RABEP1: variants seen among roughly 807,000 people sequenced by gnomAD.
RABEP1 encodes the protein rab GTPase-binding effector protein 1.
In RABEP1, 51 loss-of-function variants were observed where a neutral mutation model predicts 123.4. The ratio of observed to expected loss-of-function variants is 0.41; its 90% confidence interval spans 0.33 to 0.52. RABEP1 has a LOEUF of 0.52. Ranked by LOEUF, RABEP1 falls within the 20% of genes least tolerant of loss-of-function variation. The pLI, the probability that RABEP1 is intolerant of heterozygous loss-of-function variation, is 0.16. For missense variants in RABEP1, 888 were observed against 996.3 expected, an observed-to-expected ratio of 0.89 and a Z score of 1.46; for synonymous variants, 347 against 355.2, an observed-to-expected ratio of 0.98 and a Z score of 0.26.
chr17:5,300,929 C>T (rs765850006), intron 1 of RABEP1, among the ~76,000 whole-genome samples: 1 of 152,146 alleles, frequency 6.6e-6, no homozygotes, highest in East Asian at 1.9e-4. Flanking sequence ...AGCATGTTAC[C>T]GGGCCCCATC....
chr17:5,363,113 T>C, intron 10 of RABEP1, 97 bp downstream of exon 10: 1 of 828,872 alleles, frequency 1.2e-6, no homozygotes, highest in Non-Finnish European at 2.0e-6. Context: ...CCATTTACAT[T>C]ATGAAGCATA....
chr17:5,342,074 G>C (rs1907663380), intron 5 of RABEP1, among the ~76,000 whole-genome samples: 1 of 152,174 alleles, frequency 6.6e-6, no homozygotes, highest in Non-Finnish European at 1.5e-5. Context: ...ATGTACAACA[G>C]ATTGTTAGAC....
intron 2 of RABEP1, among the ~76,000 whole-genome samples, chr17:5,328,645 T>TAA (rs60062792): frequency 0.024 from 1,313 of 54,126 alleles, 55 homozygotes; most frequent in African/African-American, 0.056. Flanking sequence ...GACGCTGTGT[T>TAA]AAAAAAAAAA....
intron 8 of RABEP1, among the ~76,000 whole-genome samples, chr17:5,357,719 G>T (rs1402863893): frequency 6.6e-6 from 1 of 152,142 alleles, no homozygotes; most frequent in Non-Finnish European, 1.5e-5. Flanking sequence ...GACATAGGGA[G>T]TTCAATGCCC....
At chr17:5,364,950 T>C (rs1487216694) in intron 10 of RABEP1, among the ~76,000 whole-genome samples, 172 bp from the exon 11 acceptor site, 5 of 152,022 alleles carry the variant, frequency 3.3e-5, no homozygotes, top group African/African-American at 1.2e-4. Flanking sequence ...TAAACCACAG[T>C]ACAGTTGTCT....
At position 5,367,416 on chromosome 17, in the gene RABEP1, C is replaced by T. The variant is rs192686786; in HGVS notation, c.1786-954C>T. On this transcript the variant is annotated intron_variant, in intron 11 of 17. Transcript: ENST00000537505. ...CCTCCTGAGTAGCTGGGACTACAGG[C>T]ACCCGCCACCACGCCCGGCTAATTT... is the stretch of plus-strand genomic sequence containing the variant. 1.9e-3 allele frequency among the ~76,000 whole-genome samples: 284 copies of T among 150,760 alleles called. 1 individual carries two copies. The highest frequency in any genetic ancestry group is 3.6e-3 in the African/African-American group (150 of 41,220).
At position 5,384,800 on chromosome 17, in the gene RABEP1, C is replaced by G. The variant is rs1911808296; in HGVS notation, c.*1577C>G. ...GTTTAAAGTCCCTTTATAAAGAGTG[C>G]TACATGGTTTAGATAAAGGAAACAT... On this transcript the variant is annotated 3_prime_UTR_variant, in exon 18 of 18. Coordinates refer to ENST00000537505, the MANE Select transcript of RABEP1 (RefSeq NM_004703.6). 4.6e-6 allele frequency: 1 copy of G among 216,140 alleles called. No individual in the cohort carries two copies. The allele number at this position is 216,140 out of a possible 1,614,324, so 13.4% of individuals were successfully genotyped here.
intron 2 of RABEP1, among the ~76,000 whole-genome samples, chr17:5,323,938 GAC>G (rs1905711298): frequency 8.3e-6 from 1 of 120,770 alleles, no homozygotes; most frequent in Non-Finnish European, 1.7e-5. Flanking sequence ...AATTGAAGAG[GAC>G]ACACATACAA....
intron 4 of RABEP1, among the ~76,000 whole-genome samples, chr17:5,335,771 TTCTC>T (rs1458278925): frequency 2.0e-5 from 3 of 152,172 alleles, no homozygotes; most frequent in Non-Finnish European, 4.4e-5. Context: ...GAGTTTCTCT[TTCTC>T]TCTTTTTTTT....
At chr17:5,297,821 G>A (rs527949649) in intron 1 of RABEP1, among the ~76,000 whole-genome samples, 30 of 152,304 alleles carry the variant, frequency 2.0e-4, no homozygotes, top group African/African-American at 6.7e-4. Flanking sequence ...TCCAGAGCCT[G>A]TGCTCTCAGC....
chr17:5,360,971 T>G, intron 8 of RABEP1: 1 of 503,758 alleles, frequency 2.0e-6, no homozygotes, highest in Non-Finnish European at 3.5e-6. Flanking sequence ...TTTTTTTTTT[T>G]TGAAGCCGTA....
Position 5,383,104 on chromosome 17 carries a change from T to C in RABEP1, c.2488-18T>C. ...TAGGCAGGAGCCACCTGTAGTTATC[T>C]CACCATTGTTTCTCCAGGTGCAGTT... is the stretch of plus-strand genomic sequence containing the variant. On this transcript the variant is annotated intron_variant, in intron 17 of 17. Coordinates refer to ENST00000537505, the MANE Select transcript of RABEP1 (RefSeq NM_004703.6). The C allele has an allele frequency of 6.2e-7, 1 of 1,609,376 alleles. No individual in the cohort carries two copies. The highest frequency in any genetic ancestry group is 8.5e-7 in the Non-Finnish European group (1 of 1,175,638).
Position 5,383,706 on chromosome 17 carries a change from G to T in RABEP1, c.*483G>T. On this transcript the variant is annotated 3_prime_UTR_variant, in exon 18 of 18. Transcript: ENST00000537505. ...TGAATATTTTATATTAAAATATGAAGGTTTGAGAGCAGGCCATTGGCTACT... is the reference window on the plus strand; with the variant it reads ...TGAATATTTTATATTAAAATATGAATGTTTGAGAGCAGGCCATTGGCTACT... The T allele has an allele frequency of 4.4e-6, 1 of 229,382 alleles. No homozygotes were observed. 14.2% of individuals were successfully genotyped at this position (229,382 alleles called of 1,614,324 possible).
chr17:5,282,383 G>A lies in RABEP1; in HGVS notation c.-104G>A. On this transcript the variant is annotated 5_prime_UTR_variant, in exon 1 of 18. Coordinates refer to ENST00000537505, the MANE Select transcript of RABEP1 (RefSeq NM_004703.6). ...CCTTAGCGGTTTCTCTCTGGGCGGC[G>A]GCGGCGGCGGCTCGGTTGACGCCTC... The A allele has an allele frequency of 1.1e-6, 1 of 948,420 alleles. No individual in the cohort carries two copies. Among genetic ancestry groups the A allele is most frequent in the Non-Finnish European group, 1.4e-6 (1 of 708,478 alleles). 58.8% of individuals were successfully genotyped at this position (948,420 alleles called of 1,614,324 possible). A position where few individuals can be genotyped will look rare whatever the true frequency, so the allele number is the denominator to read the frequency against.
Position 5,381,398 on chromosome 17 carries a change from G to C in RABEP1, c.2380G>C (p.Glu794Gln), listed in dbSNP as rs1911439474. ...AACTTGTATTTTTTAGGCTACCGTT[G>C]AACAACTAATGTTTGAAGAGAAGAA... ...KKETAAKATVEQLMFEEKNKA... is the reference protein window; with the variant it reads ...KKETAAKATVQQLMFEEKNKA... Residue 794 changes from glutamate (E) to glutamine (Q), a missense_variant, in exon 17 of 18, where the codon GAA (glutamate) becomes CAA (glutamine). Glu to Gln is a conservative substitution (Grantham distance 29). Transcript: ENST00000537505. 2 of 1,610,662 alleles carry C rather than the reference G, an allele frequency of 1.2e-6. No homozygotes were observed. The highest frequency in any genetic ancestry group is 2.7e-5 in the African/African-American group (2 of 74,876).
At chr17:5,293,958 T>C (rs1386314562) in intron 1 of RABEP1, among the ~76,000 whole-genome samples, 2 of 152,174 alleles carry the variant, frequency 1.3e-5, no homozygotes, top group Non-Finnish European at 2.9e-5. Context: ...TGTCATTAAT[T>C]TTCTTTCTAT....
At chr17:5,368,511 A>G (rs772769936) in intron 12 of RABEP1, 43 bp downstream of exon 12, 15 of 1,400,104 alleles carry the variant, frequency 1.1e-5, no homozygotes, top group Non-Finnish European at 1.5e-5. Context: ...GTTACTATAT[A>G]TTCCTTTTTT....
chr17:5,282,468 CG>C lies in RABEP1; in HGVS notation c.-18del. ...CGCTTCCCCGCCCATCCCCGCTCCCCGAGGCCGGCCGCCTGGTCATGGCGCA... is the reference window on the plus strand; with the variant it reads ...CGCTTCCCCGCCCATCCCCGCTCCCCAGGCCGGCCGCCTGGTCATGGCGCA... On this transcript the variant is annotated 5_prime_UTR_variant, in exon 1 of 18. Transcript: ENST00000537505. The C allele has an allele frequency of 7.4e-7, 1 of 1,344,416 alleles. No individual in the cohort carries two copies. The highest frequency in any genetic ancestry group is 9.6e-7 in the Non-Finnish European group (1 of 1,041,708). 83.3% of individuals were successfully genotyped at this position (1,344,416 alleles called of 1,614,324 possible).
At chr17:5,364,255 GTTC>G (rs1909824591) in intron 10 of RABEP1, 1 of 152,222 alleles carries the variant, frequency 6.6e-6, no homozygotes, top group South Asian at 2.1e-4. Flanking sequence ...GGAAAAGGGT[GTTC>G]ATGGAGAGAA....
Sources: allele counts gnomAD v4.1 joint callset (sites outside exome capture counted in the v4.1 genomes callset), GRCh38; gene constraint gnomAD v4.1.1; transcripts MANE v1.5; gene names NCBI Gene and HGNC (gene_info 2026-07-23, HGNC 2026-07-21).